Variants in PTPRN2 observed in about 807,000 individuals in gnomAD.
The protein encoded by PTPRN2 is protein tyrosine phosphatase receptor type N2, also known as receptor-type tyrosine-protein phosphatase N2.
A neutral mutation model predicts 118.8 loss-of-function variants in PTPRN2; 74 were observed. The ratio of observed to expected loss-of-function variants is 0.62; its 90% confidence interval spans 0.52 to 0.76. The LOEUF is 0.76. Among genes scored for constraint, PTPRN2 ranks in the 30% least tolerant of loss-of-function variants. The probability of loss-of-function intolerance (pLI) is 0.00; values close to 1 mark genes in which losing one functional copy is unlikely to be tolerated. For missense variants in PTPRN2, 1,481 were observed against 1,394.4 expected (o/e 1.06, Z -0.99); for synonymous variants, 641 against 608.0 (o/e 1.05, Z -0.80).
chr7:157,718,826 G>T lies in PTPRN2; in HGVS notation c.1789-35889C>A, dbSNP rs528467466. Reference sequence around the variant, plus strand: ...AGCCACTCTTGGTTTCTCAGCTGCCGCAATCGGTCCTTCCAGTGTCCGACC... The same window carrying T: ...AGCCACTCTTGGTTTCTCAGCTGCCTCAATCGGTCCTTCCAGTGTCCGACC... On this transcript the variant is annotated intron_variant, in intron 12 of 22. Transcript: ENST00000389418. Among the ~76,000 whole-genome samples the T allele has an allele frequency of 2.6e-5, 4 of 151,640 alleles. No homozygotes were observed. The East Asian group carries it at 7.9e-4, about 30-fold the overall frequency.
At chr7:157,897,124 A>G (rs1384746905) in intron 12 of PTPRN2, among the ~76,000 whole-genome samples, 2 of 152,116 alleles carry the variant, frequency 1.3e-5, no homozygotes, top group Non-Finnish European at 2.9e-5. Flanking sequence ...ATTTGTCCCA[A>G]ATTCCTGGAC....
intron 4 of PTPRN2, among the ~76,000 whole-genome samples, chr7:158,201,947 G>A (rs748388910): frequency 3.9e-5 from 6 of 152,082 alleles, no homozygotes; most frequent in Non-Finnish European, 7.4e-5. Flanking sequence ...GCTGCATCAC[G>A]GGCTATGGCC....
At chr7:158,323,637 G>A (rs1803217702) in intron 2 of PTPRN2, among the ~76,000 whole-genome samples, 1 of 152,160 alleles carries the variant, frequency 6.6e-6, no homozygotes, top group African/African-American at 2.4e-5. Context: ...ATAAGAAAAA[G>A]AGCTCATTTA....
At chr7:158,285,581 T>C (rs1345428082) in intron 3 of PTPRN2, among the ~76,000 whole-genome samples, 4 of 152,156 alleles carry the variant, frequency 2.6e-5, no homozygotes, top group Non-Finnish European at 5.9e-5. Context: ...GACACCAGCA[T>C]CCTGTGTCCC....
intron 12 of PTPRN2, among the ~76,000 whole-genome samples, chr7:157,878,050 ACT>A (rs1336036111): frequency 1.3e-5 from 2 of 152,190 alleles, no homozygotes; most frequent in Non-Finnish European, 2.9e-5. Flanking sequence ...CGGCTCTCTG[ACT>A]CTGAAGGGCC....
chr7:157,787,484 C>G lies in PTPRN2; in HGVS notation c.1789-104547G>C, dbSNP rs1439934859. ...GCCTGGGTCACCCCAGTGGGCAGGGCGGGCAGGGGGCTTCCCCACAGTCTA... is the reference window on the plus strand; with the variant it reads ...GCCTGGGTCACCCCAGTGGGCAGGGGGGGCAGGGGGCTTCCCCACAGTCTA... On this transcript the variant is annotated intron_variant, in intron 12 of 22. Coordinates refer to ENST00000389418, the MANE Select transcript of PTPRN2 (RefSeq NM_002847.5). This position sits in a 1 kb window ranked among gnomAD's most constrained non-coding sequence, Gnocchi z 5.3. 6.6e-6 allele frequency among the ~76,000 whole-genome samples: 1 copy of G among 151,990 alleles called. No homozygotes were observed. Among genetic ancestry groups the G allele is most frequent in the Admixed American group, 6.6e-5 (1 of 15,264 alleles).
chr7:158,521,870 C>T (rs796873413), intron 1 of PTPRN2, among the ~76,000 whole-genome samples: 8 of 78,700 alleles, frequency 1.0e-4, no homozygotes, highest in African/African-American at 1.4e-4. Context: ...GGGAGGTCCA[C>T]GTCACAATGG....
chr7:157,573,588 G>C (rs1293083628), intron 19 of PTPRN2, among the ~76,000 whole-genome samples: 5 of 152,234 alleles, frequency 3.3e-5, no homozygotes, highest in Non-Finnish European at 5.9e-5. Flanking sequence ...TTAAGAAAGT[G>C]TGCTGGTTTG....
chr7:158,124,801 CTG>C (rs1481970960), intron 9 of PTPRN2, among the ~76,000 whole-genome samples: 2 of 152,198 alleles, frequency 1.3e-5, no homozygotes, highest in Non-Finnish European at 2.9e-5. Context: ...GGGCTGGGGT[CTG>C]TATCTCAGGA....
chr7:157,872,789 G>T (rs1439151150), intron 12 of PTPRN2, among the ~76,000 whole-genome samples: 1 of 152,222 alleles, frequency 6.6e-6, no homozygotes, highest in East Asian at 1.9e-4. Flanking sequence ...CCCTGTCAGG[G>T]CTCCTGAGAG....
chr7:158,333,765 GCAGACA>G (rs1804987395), intron 2 of PTPRN2, among the ~76,000 whole-genome samples: 1 of 141,588 alleles, frequency 7.1e-6, no homozygotes, highest in Non-Finnish European at 1.5e-5. Context: ...GCTGACACCC[GCAGACA>G]TCACTCACAC....
intron 3 of PTPRN2, among the ~76,000 whole-genome samples, chr7:158,212,951 ATG>A (rs1422819537): frequency 2.0e-5 from 3 of 152,210 alleles, no homozygotes; most frequent in Non-Finnish European, 2.9e-5. Flanking sequence ...GGCAAAATCC[ATG>A]TGATTATGCA....
At chr7:158,488,192 G>A (rs561448184) in intron 2 of PTPRN2, among the ~76,000 whole-genome samples, 4 of 152,252 alleles carry the variant, frequency 2.6e-5, no homozygotes, top group African/African-American at 7.2e-5. Flanking sequence ...GGCAGACGAC[G>A]TAGGATTTTC....
chr7:157,909,143 G>A (rs1265188220), intron 11 of PTPRN2, among the ~76,000 whole-genome samples: 1 of 151,806 alleles, frequency 6.6e-6, no homozygotes, highest in Non-Finnish European at 1.5e-5. Context: ...ACTACTCACA[G>A]GATTATAATC....
intron 1 of PTPRN2, chr7:158,541,594 A>T: frequency 2.2e-6 from 3 of 1,351,674 alleles, no homozygotes; most frequent in Non-Finnish European, 2.9e-6. Flanking sequence ...GAATATTCAG[A>T]TTCCACAGCC....
At position 158,093,838 on chromosome 7, in the gene PTPRN2, T is replaced by C. The variant is rs1814411352; in HGVS notation, c.1644-12461A>G. Among the ~76,000 whole-genome samples, 1 of 152,188 alleles carries C rather than the reference T, an allele frequency of 6.6e-6. No individual in the cohort carries two copies. The highest frequency in any genetic ancestry group is 1.5e-5 in the Non-Finnish European group (1 of 68,038). On this transcript the variant is annotated intron_variant, in intron 10 of 22. Coordinates refer to ENST00000389418, the MANE Select transcript of PTPRN2 (RefSeq NM_002847.5). This position sits in a 1 kb window ranked among gnomAD's most constrained non-coding sequence, Gnocchi z 4.4. ...AGGAGGAAGAAGAGAGAACCAATTCTTATTTGAATGTATGAGGAAACAAAG... is the reference window on the plus strand; with the variant it reads ...AGGAGGAAGAAGAGAGAACCAATTCCTATTTGAATGTATGAGGAAACAAAG...
At chr7:157,923,680 T>A (rs1011531584) in intron 11 of PTPRN2, among the ~76,000 whole-genome samples, 2 of 152,150 alleles carry the variant, frequency 1.3e-5, no homozygotes, top group Non-Finnish European at 2.9e-5. Flanking sequence ...CTGTCACTGC[T>A]GCAAATGGTC....
chr7:157,543,697 A>C (rs221261), intron 22 of PTPRN2, among the ~76,000 whole-genome samples: 3 of 152,232 alleles, frequency 2.0e-5, no homozygotes, highest in African/African-American at 7.2e-5. Flanking sequence ...AACCTTAAAG[A>C]GGACCTCAGT....
chr7:157,829,072 C>T (rs1807377091), intron 12 of PTPRN2, among the ~76,000 whole-genome samples: 1 of 152,280 alleles, frequency 6.6e-6, no homozygotes, highest in African/African-American at 2.4e-5. Context: ...GTCTGCGATG[C>T]CAGCGCGGGG....
Sources: gnomAD v4.1 joint callset for allele counts (sites outside exome capture counted in the v4.1 genomes callset) on GRCh38, gnomAD v4.1.1 for gene constraint, Gnocchi (gnomAD v3.1) non-coding constraint, MANE v1.5 for transcripts, NCBI Gene and HGNC (gene_info 2026-07-23, HGNC 2026-07-21) for gene names.